TACR3: variants seen among roughly 807,000 people sequenced by gnomAD.
TACR3 encodes the protein tachykinin receptor 3.
Under a neutral mutation model 35.0 loss-of-function variants are expected in TACR3, and 34 were observed. The observed-to-expected ratio is 0.97, with a 90% CI of 0.74 to 1.30. The LOEUF (loss-of-function observed/expected upper bound fraction) is 1.30. Among genes scored for constraint, TACR3 ranks in the 50% most tolerant of loss-of-function variants. The pLI is 0.00. For missense variants in TACR3, 558 were observed against 591.7 expected (o/e 0.94, Z 0.59); for synonymous variants, 233 against 221.1 (o/e 1.05, Z -0.48).
At chr4:103,709,552 A>G (rs1430962902) in intron 1 of TACR3, among the ~76,000 whole-genome samples, 1 of 152,218 alleles carries the variant, frequency 6.6e-6, no homozygotes, top group African/African-American at 2.4e-5. Flanking sequence ...TTGCAAAAAC[A>G]TGCCAAATTG....
At chr4:103,639,767 A>G (rs1725309780) in intron 3 of TACR3, among the ~76,000 whole-genome samples, 1 of 151,960 alleles carries the variant, frequency 6.6e-6, no homozygotes, top group African/African-American at 2.4e-5. Context: ...TGTTAAATAA[A>G]ATAGGCAAGT....
intron 3 of TACR3, among the ~76,000 whole-genome samples, chr4:103,653,547 C>T (rs1725667855): frequency 6.6e-6 from 1 of 152,036 alleles, no homozygotes; most frequent in African/African-American, 2.4e-5. Flanking sequence ...AAAATTAATT[C>T]AAGATGGATT....
chr4:103,656,401 A>G, intron 2 of TACR3, 57 bp from the exon 3 acceptor site: 8 of 1,551,356 alleles, frequency 5.2e-6, no homozygotes, highest in Non-Finnish European at 7.1e-6. Flanking sequence ...AATATTGGGG[A>G]CTGAATTGGC....
intron 3 of TACR3, among the ~76,000 whole-genome samples, chr4:103,627,352 T>TAAAAATACAA (rs1271100817): frequency 4.8e-5 from 4 of 82,480 alleles, no homozygotes; most frequent in African/African-American, 1.9e-4. Flanking sequence ...GTGTTTCCAT[T>TAAAAATACAA]AAAAAAAAAA....
At chr4:103,636,986 C>T (rs1385273477) in intron 3 of TACR3, among the ~76,000 whole-genome samples, 1 of 152,116 alleles carries the variant, frequency 6.6e-6, no homozygotes, top group Admixed American at 6.6e-5. Flanking sequence ...CAGATGGATT[C>T]ACAGCCGAAT....
intron 1 of TACR3, among the ~76,000 whole-genome samples, chr4:103,661,893 C>T (rs1294019510): frequency 6.6e-6 from 1 of 151,970 alleles, no homozygotes; most frequent in Non-Finnish European, 1.5e-5. Context: ...ACTAGTGATC[C>T]AACACTGGGC....
chr4:103,625,363 T>C (rs1231844117), intron 3 of TACR3, among the ~76,000 whole-genome samples: 2 of 151,926 alleles, frequency 1.3e-5, no homozygotes, highest in Admixed American at 6.6e-5. Flanking sequence ...ACAAAGATTA[T>C]GTACAAATGA....
chr4:103,696,585 T>C (rs978327442), intron 1 of TACR3, among the ~76,000 whole-genome samples: 2 of 152,200 alleles, frequency 1.3e-5, no homozygotes, highest in Admixed American at 1.3e-4. Context: ...TCCTTTGCAC[T>C]TTCAAAGTGG....
intron 3 of TACR3, among the ~76,000 whole-genome samples, chr4:103,610,193 T>C (rs1028682864): frequency 1.3e-5 from 2 of 152,100 alleles, no homozygotes; most frequent in African/African-American, 4.8e-5. Context: ...GGAACTTCCA[T>C]GTTATTATCC....
At chr4:103,651,536 A>G (rs181583614) in intron 3 of TACR3, among the ~76,000 whole-genome samples, 1 of 151,524 alleles carries the variant, frequency 6.6e-6, no homozygotes, top group Non-Finnish European at 1.5e-5. Flanking sequence ...TCCAAGTGTC[A>G]AGGTCTGTAA....
At chr4:103,601,143 G>T (rs1255127347) in intron 3 of TACR3, among the ~76,000 whole-genome samples, 1 of 152,116 alleles carries the variant, frequency 6.6e-6, no homozygotes, top group East Asian at 1.9e-4. Flanking sequence ...GGGTGCTCCT[G>T]TATTGGGTGT....
intron 3 of TACR3, among the ~76,000 whole-genome samples, chr4:103,652,136 T>C (rs2110327136): frequency 6.6e-6 from 1 of 152,206 alleles, no homozygotes; most frequent in East Asian, 1.9e-4. Flanking sequence ...CCACTGGTTG[T>C]GAGCCCCGCA....
At chr4:103,680,696 A>G (rs1439790480) in intron 1 of TACR3, among the ~76,000 whole-genome samples, 1 of 151,728 alleles carries the variant, frequency 6.6e-6, no homozygotes, top group Non-Finnish European at 1.5e-5. Context: ...AGGTCTCATC[A>G]TCATTTACCT....
intron 1 of TACR3, among the ~76,000 whole-genome samples, chr4:103,668,928 T>A (rs7691209): frequency 0.02 from 3,104 of 152,114 alleles, 130 homozygotes; most frequent in African/African-American, 0.071. Flanking sequence ...AATGATCTGA[T>A]CAAAATAATT....
rs143073792 is a variant in TACR3 at position 103,589,834 on chromosome 4, T to C, written c.1246A>G (p.Asn416Asp). Residue 416 changes from asparagine (N) to aspartate (D), a missense_variant, in exon 5 of 5, where the codon AAC becomes GAC. By Grantham distance (23) the Asn-to-Asp change is conservative. Transcript: ENST00000304883. ...CTGGACCTGGTGGTGTCTGCATCGTTGGGGTCAAACACGACTGTCATGGAC... is the reference window on the plus strand; with the variant it reads ...CTGGACCTGGTGGTGTCTGCATCGTCGGGGTCAAACACGACTGTCATGGAC... ...MESMTVVFDP[N>D]DADTTRSSRK... 4.3e-6 allele frequency: 7 copies of C among 1,613,920 alleles called. No individual in the cohort carries two copies. Among genetic ancestry groups the C allele is most frequent in the Non-Finnish European group, 5.9e-6 (7 of 1,179,868 alleles).
At chr4:103,704,687 G>A (rs1409090547) in intron 1 of TACR3, among the ~76,000 whole-genome samples, 3 of 152,066 alleles carry the variant, frequency 2.0e-5, no homozygotes, top group African/African-American at 7.2e-5. Flanking sequence ...TGACACATAG[G>A]GATTATGGGG....
chr4:103,697,650 T>G (rs1331952374), intron 1 of TACR3, among the ~76,000 whole-genome samples: 3 of 151,978 alleles, frequency 2.0e-5, no homozygotes, highest in Non-Finnish European at 1.5e-5. Flanking sequence ...AGTCTCGATC[T>G]CCTGACCTCG....
At chr4:103,621,653 T>C (rs1724784732) in intron 3 of TACR3, among the ~76,000 whole-genome samples, 2 of 151,764 alleles carry the variant, frequency 1.3e-5, no homozygotes, top group African/African-American at 4.8e-5. Context: ...GGAAAAGTTA[T>C]AGATTATTTC....
In TACR3 at chr4:103,719,672, C is replaced by A. The variant is rs941586657; in HGVS notation, c.4G>T (p.Ala2Ser). 6.2e-7 allele frequency: 1 copy of A among 1,609,328 alleles called. No individual in the cohort carries two copies. The highest frequency in any genetic ancestry group is 8.5e-7 in the Non-Finnish European group (1 of 1,180,002). ...CAGGTTTCTGCTGCTGGGAGAGTGG[C>A]CATCGCCACCGGTCTGCAGTCCCGG... is the stretch of plus-strand genomic sequence containing the variant. M[A>S]TLPAAETWID... is the part of the protein sequence containing the mutation. The change falls in exon 1 of 5, where the codon GCC becomes TCC. Residue 2 changes from alanine to serine, a missense_variant. Physicochemically the swap from Ala to Ser is moderately conservative, Grantham distance 99. Transcript: ENST00000304883.
Sources: gnomAD v4.1 joint callset for allele counts (sites outside exome capture counted in the v4.1 genomes callset) on GRCh38, gnomAD v4.1.1 for gene constraint, MANE v1.5 for transcripts, NCBI Gene and HGNC (gene_info 2026-07-23, HGNC 2026-07-21) for gene names.